RAB30: variants seen among roughly 807,000 people sequenced by gnomAD.
The protein encoded by RAB30 is RAB30, member RAS oncogene family, also known as ras-related protein Rab-30.
A neutral mutation model predicts 25.1 loss-of-function variants in RAB30; 9 were observed. The observed-to-expected ratio is 0.36, with a 90% CI of 0.22 to 0.63. The LOEUF is 0.63. RAB30 is among the 20% of genes least tolerant of loss of function. RAB30 has a pLI of 0.69. For missense variants in RAB30, 140 were observed against 243.5 expected, an observed-to-expected ratio of 0.58 and a Z score of 2.83; for synonymous variants, 77 against 86.4, an observed-to-expected ratio of 0.89 and a Z score of 0.60.
Position 83,071,834 on chromosome 11 carries a change from C to T in RAB30, c.-152G>A, listed in dbSNP as rs1172142166. The T allele has an allele frequency of 1.7e-5, 6 of 356,522 alleles. No homozygotes were observed. The East Asian group carries it at 2.5e-4, about 15-fold the overall frequency. 22.1% of individuals were successfully genotyped at this position (356,522 alleles called of 1,614,324 possible). ...CCTGGTGCTGCTGCTACACTTAGCT[C>T]AGCTGGAGCGAGCGGCAATCGCAAG... On this transcript the variant is annotated 5_prime_UTR_variant, in exon 1 of 5. Transcript: ENST00000527633.
chr11:82,994,834 G>A (rs918837018), intron 2 of RAB30, among the ~76,000 whole-genome samples: 1 of 152,166 alleles, frequency 6.6e-6, no homozygotes, highest in Non-Finnish European at 1.5e-5. Flanking sequence ...CAGTAGGGTA[G>A]AAACAGCACT....
At chr11:83,061,187 C>T (rs1199400246) in intron 1 of RAB30, among the ~76,000 whole-genome samples, 1 of 152,168 alleles carries the variant, frequency 6.6e-6, no homozygotes, top group Non-Finnish European at 1.5e-5. Flanking sequence ...TCACACGAGC[C>T]TATCGCCCTA....
intron 1 of RAB30, among the ~76,000 whole-genome samples, chr11:83,041,057 G>A (rs543043183): frequency 3.3e-5 from 5 of 152,128 alleles, no homozygotes; most frequent in Admixed American, 1.3e-4. Flanking sequence ...TTAGCTGGGC[G>A]TGGTTGCATG....
intron 1 of RAB30, among the ~76,000 whole-genome samples, chr11:82,997,926 G>A (rs1447241059): frequency 1.3e-5 from 2 of 152,136 alleles, no homozygotes; most frequent in Non-Finnish European, 2.9e-5. Context: ...CAAAGTGCCT[G>A]TCTGTTCACT....
At chr11:83,028,898 A>G (rs765497750) in intron 1 of RAB30, among the ~76,000 whole-genome samples, 3 of 152,142 alleles carry the variant, frequency 2.0e-5, no homozygotes, top group Non-Finnish European at 2.9e-5. Flanking sequence ...TTAGCCAGGC[A>G]TGGTGGCATG....
At chr11:83,055,356 C>T (rs922783578) in intron 1 of RAB30, among the ~76,000 whole-genome samples, 1 of 152,198 alleles carries the variant, frequency 6.6e-6, no homozygotes, top group African/African-American at 2.4e-5. Flanking sequence ...CTGGGACACC[C>T]ACAATTATAG....
chr11:83,048,972 C>T (rs1370630559), intron 1 of RAB30, among the ~76,000 whole-genome samples: 4 of 151,880 alleles, frequency 2.6e-5, no homozygotes, highest in African/African-American at 7.3e-5. Flanking sequence ...CACTCAAGCT[C>T]GAAAAAGAAC....
At chr11:83,008,202 T>C (rs562389755) in intron 1 of RAB30, among the ~76,000 whole-genome samples, 81 of 152,268 alleles carry the variant, frequency 5.3e-4, no homozygotes, top group African/African-American at 1.9e-3. Flanking sequence ...AGAACTGGGC[T>C]CAAGTCTTTC....
chr11:83,013,806 G>A (rs1857356068), intron 1 of RAB30, among the ~76,000 whole-genome samples: 1 of 152,164 alleles, frequency 6.6e-6, no homozygotes, highest in Non-Finnish European at 1.5e-5. Context: ...AACCTTTATT[G>A]CATGTCTACA....
At chr11:83,052,633 G>A (rs1858380688) in intron 1 of RAB30, among the ~76,000 whole-genome samples, 1 of 152,228 alleles carries the variant, frequency 6.6e-6, no homozygotes, top group African/African-American at 2.4e-5. Context: ...GGGAACACGA[G>A]AGAAGAAGGA....
chr11:82,989,154 A>T (rs1238157787), intron 3 of RAB30, among the ~76,000 whole-genome samples: 1 of 152,174 alleles, frequency 6.6e-6, no homozygotes, highest in Non-Finnish European at 1.5e-5. Context: ...ACCTCCCCGT[A>T]TTAATGGAAA....
At chr11:83,040,094 TAAGA>T (rs1268182708) in intron 1 of RAB30, among the ~76,000 whole-genome samples, 1 of 151,960 alleles carries the variant, frequency 6.6e-6, no homozygotes, top group Non-Finnish European at 1.5e-5. Context: ...GGAGAAGATG[TAAGA>T]AAGAAACAGG....
intron 1 of RAB30, among the ~76,000 whole-genome samples, chr11:83,014,993 T>C (rs970746003): frequency 6.6e-6 from 1 of 152,126 alleles, no homozygotes; most frequent in Admixed American, 6.5e-5. Flanking sequence ...GAAGGGACAC[T>C]GAGGCTGAGC....
intron 1 of RAB30, among the ~76,000 whole-genome samples, chr11:83,023,197 T>G (rs1857623182): frequency 1.3e-5 from 2 of 152,194 alleles, no homozygotes; most frequent in Non-Finnish European, 2.9e-5. Context: ...ATAGATTTGT[T>G]CCTGAAGTTA....
intron 1 of RAB30, among the ~76,000 whole-genome samples, chr11:83,033,010 G>A (rs1857905836): frequency 6.6e-6 from 1 of 151,232 alleles, no homozygotes; most frequent in Non-Finnish European, 1.5e-5. Context: ...TTTTTCCAGG[G>A]AGAGGAGTTT....
At chr11:83,035,097 A>G (rs1857959197) in intron 1 of RAB30, among the ~76,000 whole-genome samples, 1 of 151,244 alleles carries the variant, frequency 6.6e-6, no homozygotes, top group Non-Finnish European at 1.5e-5. Flanking sequence ...ACAGGTCATT[A>G]TTACCTCCAT....
intron 1 of RAB30, among the ~76,000 whole-genome samples, chr11:83,059,670 G>A (rs891341585): frequency 2.6e-5 from 4 of 152,206 alleles, no homozygotes; most frequent in African/African-American, 9.7e-5. Context: ...ACGACCCTGG[G>A]AAAGTTACCT....
chr11:82,997,489 T>C (rs192820418), intron 1 of RAB30, 165 bp from the exon 2 acceptor site: 1 of 594,502 alleles, frequency 1.7e-6, no homozygotes, highest in Non-Finnish European at 3.0e-6. Context: ...CACAGGTGTT[T>C]GGTCACAGAC....
chr11:83,066,539 G>T (rs535094127), intron 1 of RAB30, among the ~76,000 whole-genome samples: 1 of 152,100 alleles, frequency 6.6e-6, no homozygotes, highest in African/African-American at 2.4e-5. Flanking sequence ...CTCAAAAGCT[G>T]AAAGTGTCAA....
Sources: allele counts gnomAD v4.1 joint callset (sites outside exome capture counted in the v4.1 genomes callset), GRCh38; gene constraint gnomAD v4.1.1; transcripts MANE v1.5; gene names NCBI Gene and HGNC (gene_info 2026-07-23, HGNC 2026-07-21).